The following RGS5 variants were observed in gnomAD, a reference collection of about 807,000 sequenced individuals.
RGS5 encodes the protein regulator of G protein signaling 5, also known as regulator of G-protein signalling 5.
In RGS5, 20 loss-of-function variants were observed where a neutral mutation model predicts 18.9. The ratio of observed to expected loss-of-function variants is 1.06; its 90% CI spans 0.74 to 1.54. RGS5 has a LOEUF of 1.54. Ranked by LOEUF, RGS5 falls within the 40% of genes most tolerant of loss-of-function variation. The probability of loss-of-function intolerance (pLI) is 0.00; values close to 1 mark genes in which losing one functional copy is unlikely to be tolerated. For synonymous variants in RGS5, 57 were observed against 76.2 expected, an observed-to-expected ratio of 0.75 and a Z score of 1.31; for missense variants, 201 against 211.8, an observed-to-expected ratio of 0.95 and a Z score of 0.32.
chr1:163,229,067 T>C (rs2345027), intron 2 of RGS5, among the ~76,000 whole-genome samples: 31,218 of 152,200 alleles, frequency 0.21, 3,345 homozygotes, highest in Middle Eastern at 0.28. Context: ...TCCAAAGTCA[T>C]TTCCAAATTT....
chr1:163,185,008 C>G (rs1451678351), intron 1 of RGS5, among the ~76,000 whole-genome samples: 1 of 152,224 alleles, frequency 6.6e-6, no homozygotes, highest in Non-Finnish European at 1.5e-5. Flanking sequence ...ACCAGTCAGA[C>G]TGTTCTGTGA....
chr1:163,155,712 T>C (rs373404354), intron 3 of RGS5, among the ~76,000 whole-genome samples: 1 of 152,136 alleles, frequency 6.6e-6, no homozygotes, highest in African/African-American at 2.4e-5. Flanking sequence ...CATTTCTTCT[T>C]TGCCCTACAA....
At chr1:163,290,493 G>A (rs1649254787) in intron 2 of RGS5, among the ~76,000 whole-genome samples, 1 of 152,092 alleles carries the variant, frequency 6.6e-6, no homozygotes, top group South Asian at 2.1e-4. Context: ...TGTGTTTATA[G>A]AGAAGTTTCT....
intron 1 of RGS5, among the ~76,000 whole-genome samples, chr1:163,180,570 G>T (rs1329800612): frequency 6.6e-6 from 1 of 151,754 alleles, no homozygotes; most frequent in Non-Finnish European, 1.5e-5. Flanking sequence ...ACGTTTTTTG[G>T]GTGTACAATT....
At chr1:163,183,851 G>A (rs1658958095) in intron 1 of RGS5, among the ~76,000 whole-genome samples, 1 of 152,166 alleles carries the variant, frequency 6.6e-6, no homozygotes, top group Non-Finnish European at 1.5e-5. Context: ...CCCTCTTTCT[G>A]TCTTTCTCCC....
At chr1:163,301,718 C>A (rs912159741) in intron 2 of RGS5, among the ~76,000 whole-genome samples, 2 of 152,172 alleles carry the variant, frequency 1.3e-5, no homozygotes, top group African/African-American at 2.4e-5. Flanking sequence ...CCATAAGCCC[C>A]CGTGCTTTGT....
intron 2 of RGS5, among the ~76,000 whole-genome samples, chr1:163,231,091 A>G (rs913542086): frequency 6.6e-6 from 1 of 152,222 alleles, no homozygotes; most frequent in African/African-American, 2.4e-5. Flanking sequence ...GAGAAACTGC[A>G]TGCATGTCAG....
chr1:163,150,502 T>C (rs143448422), intron 4 of RGS5, among the ~76,000 whole-genome samples: 1 of 152,298 alleles, frequency 6.6e-6, no homozygotes, highest in East Asian at 1.9e-4. Context: ...TAAATTAATC[T>C]TCTTGTCAAT....
intron 1 of RGS5, chr1:163,217,488 A>G: frequency 6.7e-7 from 1 of 1,496,830 alleles, no homozygotes; most frequent in South Asian, 1.3e-5. Context: ...TTATAACATT[A>G]AAGAAAACCA....
chr1:163,236,794 C>T (rs986977515), intron 2 of RGS5, among the ~76,000 whole-genome samples: 1 of 152,008 alleles, frequency 6.6e-6, no homozygotes, highest in African/African-American at 2.4e-5. Flanking sequence ...AAACCCATCT[C>T]TACTAAAAAT....
chr1:163,177,833 A>T (rs1658624719), intron 1 of RGS5, among the ~76,000 whole-genome samples: 1 of 152,196 alleles, frequency 6.6e-6, no homozygotes, highest in Admixed American at 6.5e-5. Context: ...GTTGCCAGGC[A>T]TTTCATGCTT....
At chr1:163,300,612 A>G (rs546054085) in intron 2 of RGS5, 30 of 152,334 alleles carry the variant, frequency 2.0e-4, no homozygotes, top group African/African-American at 7.2e-4. Flanking sequence ...AACAAGTGAT[A>G]GCTGTAATTG....
At chr1:163,185,810 C>T (rs932402211) in intron 1 of RGS5, among the ~76,000 whole-genome samples, 3 of 152,190 alleles carry the variant, frequency 2.0e-5, no homozygotes, top group African/African-American at 7.2e-5. Context: ...TTATTTAGTG[C>T]TCACAATAAT....
intron 1 of RGS5, among the ~76,000 whole-genome samples, chr1:163,215,723 GTTTCCTAA>G (rs1354821315): frequency 6.6e-6 from 1 of 151,956 alleles, no homozygotes; most frequent in Non-Finnish European, 1.5e-5. Flanking sequence ...CTTTCCCCCA[GTTTCCTAA>G]GGGAATTATT....
upstream of RGS5, among the ~76,000 whole-genome samples, chr1:163,218,511 GT>G (rs1028079215): frequency 6.6e-5 from 10 of 151,094 alleles, no homozygotes; most frequent in South Asian, 1.9e-3. Flanking sequence ...TACATCATGT[GT>G]TTTTAATAGT....
intron 2 of RGS5, among the ~76,000 whole-genome samples, chr1:163,167,706 T>C (rs1182919554): frequency 6.6e-6 from 1 of 152,226 alleles, no homozygotes; most frequent in African/African-American, 2.4e-5. Flanking sequence ...GTATTCGTTC[T>C]TCACTTAAGT....
At chr1:163,264,389 T>C (rs1314221690) in intron 2 of RGS5, among the ~76,000 whole-genome samples, 1 of 152,180 alleles carries the variant, frequency 6.6e-6, no homozygotes, top group Non-Finnish European at 1.5e-5. Context: ...ACTTGATAGA[T>C]TGCGAAAATT....
At chr1:163,204,149 A>G (rs1659877105), upstream of RGS5, among the ~76,000 whole-genome samples, 1 of 152,218 alleles carries the variant, frequency 6.6e-6, no homozygotes, top group African/African-American at 2.4e-5. Flanking sequence ...AATGTAATAA[A>G]TAGAATAGAC....
chr1:163,276,184 G>A (rs943969636), intron 2 of RGS5, among the ~76,000 whole-genome samples: 9 of 151,916 alleles, frequency 5.9e-5, no homozygotes, highest in African/African-American at 1.9e-4. Flanking sequence ...AGTAAAGACG[G>A]GGTTTCTCCA....
Sources: allele counts gnomAD v4.1 joint callset (sites outside exome capture counted in the v4.1 genomes callset), GRCh38; gene constraint gnomAD v4.1.1; transcripts MANE v1.5; gene names NCBI Gene and HGNC (gene_info 2026-07-23, HGNC 2026-07-21).